The following CLINT1 variants were observed in gnomAD, a reference collection of about 807,000 sequenced individuals.
The protein encoded by CLINT1 is clathrin interacting protein localized in the trans-Golgi region.
A neutral mutation model predicts 70.4 loss-of-function variants in CLINT1; 15 were observed. The ratio of observed to expected loss-of-function variants is 0.21; its 90% CI spans 0.14 to 0.33. CLINT1 has a LOEUF of 0.33. Among genes scored for constraint, CLINT1 ranks in the 10% least tolerant of loss-of-function variants. The pLI, the probability that CLINT1 is intolerant of heterozygous loss-of-function variation, is 1.00. For missense variants in CLINT1, 615 were observed against 778.1 expected, an observed-to-expected ratio of 0.79 and a Z score of 2.49; for synonymous variants, 227 against 254.7, an observed-to-expected ratio of 0.89 and a Z score of 1.04.
At chr5:157,856,971 A>G (rs1270408586) in intron 1 of CLINT1, among the ~76,000 whole-genome samples, 1 of 152,256 alleles carries the variant, frequency 6.6e-6, no homozygotes, top group Non-Finnish European at 1.5e-5. Flanking sequence ...TATTGCCTCG[A>G]TTTCTGTCTT....
At position 157,787,301 on chromosome 5, in the gene CLINT1, A is replaced by C. The variant is rs940856311; in HGVS notation, c.*345T>G. 4.8e-6 allele frequency: 1 copy of C among 210,344 alleles called. No homozygotes were observed. Among genetic ancestry groups the C allele is most frequent in the African/African-American group, 2.3e-5 (1 of 42,988 alleles). 13.0% of individuals were successfully genotyped at this position (210,344 alleles called of 1,614,324 possible). On this transcript the variant is annotated 3_prime_UTR_variant, in exon 12 of 12. Transcript: ENST00000411809. ...GTTCCTCAGGAAAAGAAAGTATAAA[A>C]TTAGAGATTCAAACACATTTATTCA...
At chr5:157,819,149 A>C (rs983494131) in intron 1 of CLINT1, among the ~76,000 whole-genome samples, 5 of 152,198 alleles carry the variant, frequency 3.3e-5, no homozygotes, top group African/African-American at 7.2e-5. Context: ...CAATTTCTTC[A>C]TGTTTAAAGA....
rs189955720 is a variant in CLINT1, at chr5:157,855,406, T to C, written c.41+3524A>G. On this transcript the variant is annotated intron_variant, in intron 1 of 11. Coordinates refer to ENST00000411809, the MANE Select transcript of CLINT1 (RefSeq NM_014666.4). ...TACAGCCACAAGTAAAGATAGGTCA[T>C]AGGATGACAATGATTAAGCTAGTGC... 3.1e-3 allele frequency among the ~76,000 whole-genome samples: 474 copies of C among 152,240 alleles called. 4 individuals are homozygous for C. Among genetic ancestry groups the C allele is most frequent in the African/African-American group, 0.011 (446 of 41,538 alleles).
chr5:157,829,823 G>A (rs941719168), intron 1 of CLINT1, among the ~76,000 whole-genome samples: 9 of 150,268 alleles, frequency 6.0e-5, no homozygotes, highest in Non-Finnish European at 8.9e-5. Flanking sequence ...GACTACAGGC[G>A]TGAGCCACTG....
rs1379517898 is a variant in CLINT1, at chr5:157,856,414, T to C, written c.41+2516A>G. On this transcript the variant is annotated intron_variant, in intron 1 of 11. Transcript: ENST00000411809. ...ACGTAATGCCAGAATATGAACCAGA[T>C]AGTTAAACCCCTAACCTTTCTCTCA... is the stretch of plus-strand genomic sequence containing the variant. 2.0e-5 allele frequency among the ~76,000 whole-genome samples: 3 copies of C among 152,334 alleles called. No homozygotes were observed. In the South Asian group the frequency reaches 6.2e-4, roughly 32 times the overall value.
At chr5:157,797,221 T>G (rs552311620) in intron 8 of CLINT1, among the ~76,000 whole-genome samples, 1 of 152,186 alleles carries the variant, frequency 6.6e-6, no homozygotes. Flanking sequence ...GTTAAAAACA[T>G]TGGTCAAGTA....
intron 1 of CLINT1, among the ~76,000 whole-genome samples, chr5:157,856,082 T>A (rs1220264771): frequency 1.3e-5 from 2 of 152,220 alleles, no homozygotes; most frequent in African/African-American, 2.4e-5. Context: ...AAAGTCCTAG[T>A]CTTCCTGAGT....
intron 4 of CLINT1, among the ~76,000 whole-genome samples, chr5:157,813,470 T>C (rs1762621876): frequency 6.6e-6 from 1 of 152,132 alleles, no homozygotes; most frequent in South Asian, 2.1e-4. Context: ...CCACAGATAA[T>C]GGTACTATGC....
intron 7 of CLINT1, among the ~76,000 whole-genome samples, chr5:157,805,393 C>T (rs929795071): frequency 2.0e-5 from 3 of 152,172 alleles, no homozygotes; most frequent in Non-Finnish European, 2.9e-5. Flanking sequence ...AGAGGCAGTG[C>T]TTCTTTTGAT....
At chr5:157,812,144 T>C (rs1288727177) in intron 5 of CLINT1, among the ~76,000 whole-genome samples, 1 of 147,070 alleles carries the variant, frequency 6.8e-6, no homozygotes, top group Non-Finnish European at 1.5e-5. Context: ...TCTTTGAGAG[T>C]GGGAAAGCAG....
In CLINT1 at chr5:157,817,514, C is replaced by T; in HGVS notation, c.75G>A (p.Glu25=). The change falls in exon 2 of 12, where the codon GAG becomes GAA. Residue 25 remains glutamate, a synonymous_variant. Transcript: ENST00000411809. Reference sequence around the variant, plus strand: ...CGTTCGTTGCCTCTCGAACCTTAGACTCGATCTCTGAATAATTCATAACAA... The same window carrying T: ...CGTTCGTTGCCTCTCGAACCTTAGATTCGATCTCTGAATAATTCATAACAA... ...TNVVMNYSEI[E]SKVREATNDD... is the part of the protein sequence containing the mutation. The T allele has an allele frequency of 6.2e-7, 1 of 1,604,868 alleles. No homozygotes were observed. Among genetic ancestry groups the T allele is most frequent in the South Asian group, 1.1e-5 (1 of 89,084 alleles).
At chr5:157,847,796 T>C (rs1292076483) in intron 1 of CLINT1, among the ~76,000 whole-genome samples, 2 of 152,212 alleles carry the variant, frequency 1.3e-5, no homozygotes, top group Non-Finnish European at 2.9e-5. Context: ...AAGAACATGG[T>C]TAAAATGACA....
At chr5:157,831,894 G>A (rs1304213182) in intron 1 of CLINT1, among the ~76,000 whole-genome samples, 1 of 151,796 alleles carries the variant, frequency 6.6e-6, no homozygotes. Context: ...GTTGCACCAC[G>A]TTGGCCGGGA....
At chr5:157,789,851 AT>A in intron 10 of CLINT1, 1 of 400,568 alleles carries the variant, frequency 2.5e-6, no homozygotes. Flanking sequence ...GGAACTACCG[AT>A]TTTAGGTTAG....
intron 1 of CLINT1, 84 bp downstream of exon 1, chr5:157,858,846 C>T (rs1327017278): frequency 9.7e-6 from 14 of 1,437,134 alleles, no homozygotes; most frequent in Non-Finnish European, 1.2e-5. Flanking sequence ...GTGACGTGGG[C>T]AACCCCTAGC....
intron 1 of CLINT1, among the ~76,000 whole-genome samples, chr5:157,822,234 A>C (rs1354418396): frequency 1.3e-5 from 2 of 150,122 alleles, no homozygotes; most frequent in African/African-American, 4.9e-5. Flanking sequence ...TTTATACTTT[A>C]AGTTCTAGGG....
intron 1 of CLINT1, among the ~76,000 whole-genome samples, chr5:157,826,294 C>G (rs906365126): frequency 6.6e-6 from 1 of 152,132 alleles, no homozygotes; most frequent in African/African-American, 2.4e-5. Flanking sequence ...GAATACATAT[C>G]GTCACCAAAG....
intron 1 of CLINT1, among the ~76,000 whole-genome samples, chr5:157,852,250 C>T (rs1753601002): frequency 6.6e-6 from 1 of 152,148 alleles, no homozygotes; most frequent in African/African-American, 2.4e-5. Flanking sequence ...GACTTTATTC[C>T]TCAACATGTC....
At chr5:157,834,244 T>C (rs1043667920) in intron 1 of CLINT1, among the ~76,000 whole-genome samples, 2 of 151,160 alleles carry the variant, frequency 1.3e-5, no homozygotes, top group Admixed American at 1.3e-4. Flanking sequence ...TGTGCACCTG[T>C]AGCCCCAGCT....
Sources: gnomAD v4.1 joint callset for allele counts (sites outside exome capture counted in the v4.1 genomes callset) on GRCh38, gnomAD v4.1.1 for gene constraint, MANE v1.5 for transcripts, NCBI Gene and HGNC (gene_info 2026-07-23, HGNC 2026-07-21) for gene names.